The following SV2C variants were observed in gnomAD, a reference collection of about 807,000 sequenced individuals.
The protein encoded by SV2C is solute carrier family 22 member B3.
A neutral mutation model predicts 79.7 loss-of-function variants in SV2C; 49 were observed. That is an observed-to-expected ratio of 0.61 (90% CI 0.49 to 0.78). The LOEUF (loss-of-function observed/expected upper bound fraction) is 0.78. Among genes scored for constraint, SV2C ranks in the 30% least tolerant of loss-of-function variants. The pLI is 0.00. For missense variants in SV2C, 833 were observed against 912.9 expected, an observed-to-expected ratio of 0.91 and a Z score of 1.13; for synonymous variants, 334 against 333.2, an observed-to-expected ratio of 1.00 and a Z score of -0.03.
intron 12 of SV2C, among the ~76,000 whole-genome samples, chr5:76,315,830 CCT>C (rs1378894536): frequency 6.6e-6 from 1 of 151,852 alleles, no homozygotes; most frequent in Admixed American, 6.6e-5. Flanking sequence ...GGGTTGGATC[CCT>C]CTCTCTCTCC....
intron 2 of SV2C, among the ~76,000 whole-genome samples, chr5:76,179,744 T>C: frequency 6.6e-6 from 1 of 152,198 alleles, no homozygotes; most frequent in East Asian, 1.9e-4. Context: ...GCAACATCCA[T>C]TAGTGCAAGG....
the SV2C span, among the ~76,000 whole-genome samples, chr5:76,073,753 G>A: frequency 7.8e-3 from 1,188 of 151,774 alleles, 19 homozygotes; most frequent in African/African-American, 0.027. Context: ...CAGGCAAAAG[G>A]GTGGAAGGGC....
At chr5:76,047,851 C>T in the SV2C span, among the ~76,000 whole-genome samples, 3 of 150,382 alleles carry the variant, frequency 2.0e-5, no homozygotes, top group Non-Finnish European at 4.4e-5. Flanking sequence ...CTGCAAGCTC[C>T]GCCTCCCGGG....
chr5:76,296,161 G>C (rs67560206), intron 9 of SV2C: 32,108 of 336,986 alleles, frequency 0.095, 1,853 homozygotes, highest in African/African-American at 0.18. Context: ...CAGCTAAGTT[G>C]CTTCATATTT....
intron 1 of SV2C, among the ~76,000 whole-genome samples, chr5:76,094,807 A>G (rs1202001997): frequency 2.0e-5 from 3 of 151,980 alleles, no homozygotes; most frequent in Admixed American, 1.3e-4. Flanking sequence ...CTTATTGTTG[A>G]ATTTTAAGAG....
chr5:75,976,477 G>T, the SV2C span, among the ~76,000 whole-genome samples: 14 of 151,960 alleles, frequency 9.2e-5, no homozygotes, highest in Non-Finnish European at 1.6e-4. Flanking sequence ...AATGAGATGT[G>T]CAGAGAGGAT....
intron 1 of SV2C, among the ~76,000 whole-genome samples, chr5:76,096,655 A>AT (rs1747573355): frequency 6.6e-6 from 1 of 152,152 alleles, no homozygotes; most frequent in African/African-American, 2.4e-5. Context: ...CATCTACTAA[A>AT]TTGGGCCATG....
chr5:75,987,250 A>G, the SV2C span, among the ~76,000 whole-genome samples: 1 of 152,016 alleles, frequency 6.6e-6, no homozygotes, highest in Non-Finnish European at 1.5e-5. Context: ...AAAATCTGAC[A>G]CTTAACAGTT....
At chr5:75,940,930 A>G in the SV2C span, among the ~76,000 whole-genome samples, 3 of 152,222 alleles carry the variant, frequency 2.0e-5, no homozygotes, top group Non-Finnish European at 2.9e-5. Flanking sequence ...AGCTCTTTAT[A>G]AGGTTATCTA....
intron 12 of SV2C, among the ~76,000 whole-genome samples, chr5:76,317,439 C>T (rs978630104): frequency 2.6e-5 from 4 of 151,968 alleles, no homozygotes; most frequent in African/African-American, 7.3e-5. Flanking sequence ...AACCACCCCC[C>T]CCAACACACA....
intron 5 of SV2C, chr5:76,285,528 G>A: frequency 1.6e-6 from 1 of 643,456 alleles, no homozygotes; most frequent in Non-Finnish European, 2.6e-6. Context: ...TTGGCTCAAT[G>A]AAGAAAACAT....
intron 6 of SV2C, among the ~76,000 whole-genome samples, chr5:76,287,722 T>G (rs1580027366): frequency 6.6e-6 from 1 of 152,366 alleles, no homozygotes; most frequent in East Asian, 1.9e-4. Flanking sequence ...TAAATTAATT[T>G]AAATTGGTTG....
chr5:75,971,746 C>T, the SV2C span, among the ~76,000 whole-genome samples: 1 of 152,112 alleles, frequency 6.6e-6, no homozygotes, highest in Non-Finnish European at 1.5e-5. Flanking sequence ...AATGGCCATA[C>T]TGCCCAAGGT....
At chr5:76,054,539 T>C in the SV2C span, among the ~76,000 whole-genome samples, 1 of 152,220 alleles carries the variant, frequency 6.6e-6, no homozygotes, top group African/African-American at 2.4e-5. Context: ...AAACAGTATT[T>C]CTGGTTCTAG....
intron 1 of SV2C, among the ~76,000 whole-genome samples, chr5:76,121,324 T>G (rs1456702176): frequency 6.6e-6 from 1 of 152,156 alleles, no homozygotes; most frequent in African/African-American, 2.4e-5. Flanking sequence ...AGGTTGCCTG[T>G]TCATTCTGAT....
At chr5:75,934,327 G>A in the SV2C span, among the ~76,000 whole-genome samples, 2 of 63,614 alleles carry the variant, frequency 3.1e-5, no homozygotes, top group African/African-American at 2.4e-4. Flanking sequence ...TTTCACTGTC[G>A]CTGGGCTGGA....
At chr5:76,111,534 G>C (rs1182877015) in intron 1 of SV2C, among the ~76,000 whole-genome samples, 1 of 152,068 alleles carries the variant, frequency 6.6e-6, no homozygotes, top group Non-Finnish European at 1.5e-5. Flanking sequence ...GTGACCTATG[G>C]GTCTGTTATA....
intron 2 of SV2C, among the ~76,000 whole-genome samples, chr5:76,182,796 G>A (rs1284307779): frequency 2.0e-5 from 3 of 152,112 alleles, no homozygotes; most frequent in African/African-American, 7.2e-5. Context: ...TCGTGATGCT[G>A]CAGGCTATAG....
chr5:76,179,478 GCTGA>G (rs1224658863), intron 2 of SV2C, among the ~76,000 whole-genome samples: 1 of 152,146 alleles, frequency 6.6e-6, no homozygotes, highest in Non-Finnish European at 1.5e-5. Context: ...GAAGCGGATG[GCTGA>G]CTGCTCATTC....
Sources: gnomAD v4.1 joint callset for allele counts (sites outside exome capture counted in the v4.1 genomes callset) on GRCh38, gnomAD v4.1.1 for gene constraint, MANE v1.5 for transcripts, NCBI Gene and HGNC (gene_info 2026-07-23, HGNC 2026-07-21) for gene names.